The following CACNA1B variants were observed in gnomAD, a reference collection of about 807,000 sequenced individuals.
CACNA1B encodes the protein calcium voltage-gated channel subunit alpha1 B, also known as voltage-dependent N-type calcium channel subunit alpha-1B.
A neutral mutation model predicts 247.2 loss-of-function variants in CACNA1B; 70 were observed. The observed-to-expected ratio is 0.28, with a 90% confidence interval of 0.23 to 0.35. The LOEUF (loss-of-function observed/expected upper bound fraction) is 0.35, where lower values mean the gene tolerates loss of function less well. Ranked by LOEUF, CACNA1B falls within the 10% of genes least tolerant of loss-of-function variation. The pLI is 1.00. For synonymous variants in CACNA1B, 1,231 were observed against 1,294.4 expected (o/e 0.95, Z 1.05); for missense variants, 2,367 against 3,197.4 (o/e 0.74, Z 6.26).
At chr9:137,928,657 T>C (rs1393124569) in intron 6 of CACNA1B, among the ~76,000 whole-genome samples, 1 of 152,254 alleles carries the variant, frequency 6.6e-6, no homozygotes, top group East Asian at 1.9e-4. Flanking sequence ...TTCACCATTT[T>C]AAAGTTTACA....
chr9:137,908,867 G>A (rs781175336), intron 3 of CACNA1B, among the ~76,000 whole-genome samples: 3 of 151,862 alleles, frequency 2.0e-5, no homozygotes, highest in South Asian at 2.1e-4. Flanking sequence ...TCCTGACCTC[G>A]TGATCCGTCC....
intron 3 of CACNA1B, among the ~76,000 whole-genome samples, chr9:137,904,310 C>T (rs1339736998): frequency 1.4e-5 from 2 of 143,354 alleles, no homozygotes; most frequent in African/African-American, 5.0e-5. Flanking sequence ...TTCTTTCTTT[C>T]AAAATATGTA....
At chr9:138,107,439 C>G (rs978382777) in intron 39 of CACNA1B, among the ~76,000 whole-genome samples, 5 of 151,898 alleles carry the variant, frequency 3.3e-5, no homozygotes, top group Non-Finnish European at 5.9e-5. Flanking sequence ...GATGGGGGTT[C>G]GCTGTGTTGC....
In CACNA1B at chr9:137,952,755, G is replaced by A. The variant is rs1051064652; in HGVS notation, c.1070+378G>A. On this transcript the variant is annotated intron_variant, in intron 7 of 46. Transcript: ENST00000371372. The surrounding 1 kb of genome is among the most constrained non-coding windows in gnomAD (Gnocchi z 4.8). ...TGGGAGGTGTGGTCTGTATTGGGAGGTTGGTCTGGGTGGATGGGAGGTGTG... is the reference window on the plus strand; with the variant it reads ...TGGGAGGTGTGGTCTGTATTGGGAGATTGGTCTGGGTGGATGGGAGGTGTG... 1.4e-4 allele frequency among the ~76,000 whole-genome samples: 21 copies of A among 150,362 alleles called. No individual in the cohort carries two copies. Among genetic ancestry groups the A allele is most frequent in the African/African-American group, 4.0e-4 (16 of 40,336 alleles).
Position 138,123,006 on chromosome 9 carries a change from G to T in CACNA1B, c.*1007G>T, listed in dbSNP as rs1377777678. On this transcript the variant is annotated 3_prime_UTR_variant, in exon 47 of 47. Coordinates refer to ENST00000371372, the MANE Select transcript of CACNA1B (RefSeq NM_000718.4). ...CAGCCATTTGCTGTCCTCCTCCCAC[G>T]AGTGGAAGGGGTTTCCAAGGAAGCC... 1 of 152,288 alleles carries T rather than the reference G, an allele frequency of 6.6e-6. No individual in the cohort carries two copies. Among genetic ancestry groups the T allele is most frequent in the African/African-American group, 2.4e-5 (1 of 41,480 alleles). 9.4% of individuals were successfully genotyped at this position (152,288 alleles called of 1,614,324 possible).
rs1273618055 is a variant in CACNA1B at position 138,123,050 on chromosome 9, T to C, written c.*1051T>C. On this transcript the variant is annotated 3_prime_UTR_variant, in exon 47 of 47. Coordinates refer to ENST00000371372, the MANE Select transcript of CACNA1B (RefSeq NM_000718.4). Reference sequence around the variant, plus strand: ...GGAAGCCACAGGGCAGCTGACCACGTGCTTGTGTGAGGCATTTTCAGTCTG... The same window carrying C: ...GGAAGCCACAGGGCAGCTGACCACGCGCTTGTGTGAGGCATTTTCAGTCTG... The C allele has an allele frequency of 1.3e-5, 2 of 152,266 alleles. No homozygotes were observed. The highest frequency in any genetic ancestry group is 2.9e-5 in the Non-Finnish European group (2 of 68,060). The allele number at this position is 152,266 out of a possible 1,614,324, so 9.4% of individuals were successfully genotyped here. A position where few individuals can be genotyped will look rare whatever the true frequency, so the allele number is the denominator to read the frequency against.
intron 37 of CACNA1B, among the ~76,000 whole-genome samples, chr9:138,099,141 A>T (rs1330937825): frequency 1.3e-5 from 2 of 152,174 alleles, no homozygotes. Flanking sequence ...CACAAACAGG[A>T]CATGTGTGCA....
rs1003762898 is a variant in CACNA1B, at chr9:137,880,507, G to A, written c.390+1348G>A. On this transcript the variant is annotated intron_variant, in intron 2 of 46. Transcript: ENST00000371372. The surrounding 1 kb of genome is among the most constrained non-coding windows in gnomAD (Gnocchi z 4.8). ...GGGTCAGAGGGACGCAGGCCCAGGA[G>A]CCAGGCCGGGGCGGGGGCAGGGAGG... 6.6e-6 allele frequency among the ~76,000 whole-genome samples: 1 copy of A among 152,214 alleles called. No homozygotes were observed. Among genetic ancestry groups the A allele is most frequent in the Non-Finnish European group, 1.5e-5 (1 of 68,018 alleles).
intron 3 of CACNA1B, among the ~76,000 whole-genome samples, chr9:137,908,813 A>G (rs1957326819): frequency 6.6e-6 from 1 of 150,480 alleles, no homozygotes; most frequent in African/African-American, 2.4e-5. Context: ...TTGTATTTTT[A>G]GTACAGTCGG....
chr9:138,112,142 A>G (rs565261992), intron 39 of CACNA1B, among the ~76,000 whole-genome samples: 55 of 114,866 alleles, frequency 4.8e-4, no homozygotes, highest in African/African-American at 1.5e-3. Context: ...CACACGTCGG[A>G]CACACACGTG....
At chr9:137,894,222 T>C (rs1482246013) in intron 3 of CACNA1B, among the ~76,000 whole-genome samples, 1 of 151,754 alleles carries the variant, frequency 6.6e-6, no homozygotes, top group African/African-American at 2.4e-5. Context: ...TCAGCCAGAG[T>C]GGATGTCCCG....
At chr9:137,900,617 CTGTG>C (rs1286477635) in intron 3 of CACNA1B, among the ~76,000 whole-genome samples, 3 of 147,130 alleles carry the variant, frequency 2.0e-5, no homozygotes, top group Non-Finnish European at 3.0e-5. Flanking sequence ...GTCTCTGTGT[CTGTG>C]TATGTGTGTC....
At chr9:138,108,292 G>A (rs9410070) in intron 39 of CACNA1B, among the ~76,000 whole-genome samples, 3,665 of 119,558 alleles carry the variant, frequency 0.031, 144 homozygotes, top group African/African-American at 0.1. Flanking sequence ...CTGGGCAACA[G>A]AGTGAAACCC....
Position 138,121,828 on chromosome 9 carries a change from T to A in CACNA1B, c.6849T>A (p.Ala2283=), listed in dbSNP as rs199525078. 3.6e-5 allele frequency: 58 copies of A among 1,613,224 alleles called. No homozygotes were observed. Among genetic ancestry groups the A allele is most frequent in the Non-Finnish European group, 4.8e-5 (57 of 1,179,868 alleles). ...LPEDTLTFEE[A]VATNSGRSSR... ...AGGACACTCTCACTTTCGAGGAGGC[T>A]GTGGCCACCAACTCGGGCCGCTCCT... is the stretch of plus-strand genomic sequence containing the variant. Residue 2283 remains alanine (A), a synonymous_variant, in exon 47 of 47, where the codon GCT becomes GCA. Transcript: ENST00000371372. The surrounding 1 kb of genome is among the most constrained non-coding windows in gnomAD (Gnocchi z 6.8).
intron 12 of CACNA1B, among the ~76,000 whole-genome samples, chr9:137,979,281 G>A (rs1043405882): frequency 2.6e-5 from 4 of 152,138 alleles, no homozygotes; most frequent in African/African-American, 9.7e-5. Context: ...GTCATTCCAC[G>A]GCTTGACTGG....
intron 11 of CACNA1B, among the ~76,000 whole-genome samples, chr9:137,972,574 T>A (rs1958166839): frequency 6.6e-6 from 1 of 152,170 alleles, no homozygotes; most frequent in Non-Finnish European, 1.5e-5. Context: ...GCCGGCCGGC[T>A]GAGCCCTGCT....
chr9:138,040,587 G>C (rs1959106435), intron 20 of CACNA1B: 1 of 438,384 alleles, frequency 2.3e-6, no homozygotes, highest in Non-Finnish European at 4.6e-6. Context: ...AGCAAGGAGA[G>C]CCAGCCCGAG....
chr9:137,919,284 T>A lies in CACNA1B; in HGVS notation c.966+1853T>A, dbSNP rs894680837. On this transcript the variant is annotated intron_variant, in intron 6 of 46. Transcript: ENST00000371372. The surrounding 1 kb of genome is among the most constrained non-coding windows in gnomAD (Gnocchi z 4.6). ...CAGAGGCATTCGACACGTAAGGGCA[T>A]GGACAGTGGCGAGTGCCGTGAAGAA... is the stretch of plus-strand genomic sequence containing the variant. Among the ~76,000 whole-genome samples the A allele has an allele frequency of 6.6e-6, 1 of 152,206 alleles. No homozygotes were observed. Among genetic ancestry groups the A allele is most frequent in the African/African-American group, 2.4e-5 (1 of 41,460 alleles).
rs530587735 is a variant in CACNA1B, at chr9:137,953,938, T to C, written c.1070+1561T>C. On this transcript the variant is annotated intron_variant, in intron 7 of 46. Transcript: ENST00000371372. ...CCTGGTGGGAAGCCTGGCAGGAGCA[T>C]AGGTGGGTTCAAGGGGAGGCAGGAG... Among the ~76,000 whole-genome samples, 5 of 152,026 alleles carry C rather than the reference T, an allele frequency of 3.3e-5. No homozygotes were observed. The South Asian group carries it at 8.3e-4, about 25-fold the overall frequency.
Sources: allele counts gnomAD v4.1 joint callset (sites outside exome capture counted in the v4.1 genomes callset), GRCh38; gene constraint gnomAD v4.1.1; non-coding constraint Gnocchi (gnomAD v3.1); transcripts MANE v1.5; gene names NCBI Gene and HGNC (gene_info 2026-07-23, HGNC 2026-07-21).